Variants in PRMT6 observed in about 807,000 individuals in gnomAD.
The protein encoded by PRMT6 is protein arginine N-methyltransferase 6.
Under a neutral mutation model 30.5 loss-of-function variants are expected in PRMT6, and 23 were observed. That is an observed-to-expected ratio of 0.75 (90% confidence interval 0.54 to 1.07). The LOEUF (loss-of-function observed/expected upper bound fraction) is 1.07. PRMT6 is among the 50% of genes least tolerant of loss of function. The probability of loss-of-function intolerance (pLI) is 0.00; values close to 1 mark genes in which losing one functional copy is unlikely to be tolerated. For missense variants in PRMT6, 528 were observed against 514.3 expected (o/e 1.03, Z -0.26); for synonymous variants, 265 against 228.0 (o/e 1.16, Z -1.46).
At position 107,056,801 on chromosome 1, in the gene PRMT6, G is replaced by C; in HGVS notation, c.86G>C (p.Arg29Pro). 1 of 1,581,142 alleles carries C rather than the reference G, an allele frequency of 6.3e-7. No individual in the cohort carries two copies. Among genetic ancestry groups the C allele is most frequent in the Non-Finnish European group, 8.6e-7 (1 of 1,163,474 alleles). The change falls in exon 1 of 1, where the codon CGG (arginine) becomes CCG (proline). Residue 29 changes from arginine to proline, a missense_variant. Physicochemically the swap from Arg to Pro is moderately radical, Grantham distance 103. Coordinates refer to ENST00000370078, the MANE Select transcript of PRMT6 (RefSeq NM_018137.3). Reference sequence around the variant, plus strand: ...ACTGAAGAGGAAGATGGCGCGGAGCGGGAGGCGGCCCTGGAGCGACCCCGG... The same window carrying C: ...ACTGAAGAGGAAGATGGCGCGGAGCCGGAGGCGGCCCTGGAGCGACCCCGG... ...EGTEEEDGAEREAALERPRRT... is the reference protein window; with the variant it reads ...EGTEEEDGAEPEAALERPRRT...
At position 107,058,496 on chromosome 1, in the gene PRMT6, C is replaced by T; in HGVS notation, c.*653C>T. On this transcript the variant is annotated 3_prime_UTR_variant, in exon 1 of 1. Coordinates refer to ENST00000370078, the MANE Select transcript of PRMT6 (RefSeq NM_018137.3). ...GCTAAAGTTGATGAACACATTAATC[C>T]GTTAAGTAAAATGGACTTTGTAATT... 5.9e-6 allele frequency: 1 copy of T among 168,314 alleles called. No homozygotes were observed. The highest frequency in any genetic ancestry group is 1.5e-5 in the Non-Finnish European group (1 of 68,924). 10.4% of individuals were successfully genotyped at this position (168,314 alleles called of 1,614,324 possible).
Position 107,058,009 on chromosome 1 carries a change from A to G in PRMT6, c.*166A>G. 1.1e-6 allele frequency: 1 copy of G among 921,820 alleles called. No individual in the cohort carries two copies. Among genetic ancestry groups the G allele is most frequent in the Non-Finnish European group, 1.7e-6 (1 of 603,182 alleles). 57.1% of individuals were successfully genotyped at this position (921,820 alleles called of 1,614,324 possible). A position where few individuals can be genotyped will look rare whatever the true frequency, so the allele number is the denominator to read the frequency against. On this transcript the variant is annotated 3_prime_UTR_variant, in exon 1 of 1. Coordinates refer to ENST00000370078, the MANE Select transcript of PRMT6 (RefSeq NM_018137.3). Reference sequence around the variant, plus strand: ...GAGAGTGACTTCATTCTCCATTTGAAGAGATTCTTCTGGTGATGTTTACTT... The same window carrying G: ...GAGAGTGACTTCATTCTCCATTTGAGGAGATTCTTCTGGTGATGTTTACTT...
rs113062612 is a variant in PRMT6, at chr1:107,058,925, A to G, written c.*1082A>G. ...AGCCAAATGTGAAAGTTGTGAATTT[A>G]GGAAAATCACTTGTAATGAAGTGTG... On this transcript the variant is annotated 3_prime_UTR_variant, in exon 1 of 1. Coordinates refer to ENST00000370078, the MANE Select transcript of PRMT6 (RefSeq NM_018137.3). 12 of 167,224 alleles carry G rather than the reference A, an allele frequency of 7.2e-5. No homozygotes were observed. The highest frequency in any genetic ancestry group is 2.6e-4 in the African/African-American group (11 of 41,586). 10.4% of individuals were successfully genotyped at this position (167,224 alleles called of 1,614,324 possible).
rs1651768156 is a variant in PRMT6, at chr1:107,057,859, C to T, written c.*16C>T. ...GGAGGACTGAGCGTTGCCTTTTCTC[C>T]CAGCTACCTCCCAAAGCAGCCTGAC... On this transcript the variant is annotated 3_prime_UTR_variant, in exon 1 of 1. Coordinates refer to ENST00000370078, the MANE Select transcript of PRMT6 (RefSeq NM_018137.3). 1 of 1,556,052 alleles carries T rather than the reference C, an allele frequency of 6.4e-7. No homozygotes were observed. Among genetic ancestry groups the T allele is most frequent in the African/African-American group, 1.4e-5 (1 of 73,242 alleles).
At position 107,057,932 on chromosome 1, in the gene PRMT6, C is replaced by T; in HGVS notation, c.*89C>T. 1 of 1,517,360 alleles carries T rather than the reference C, an allele frequency of 6.6e-7. No individual in the cohort carries two copies. 94.0% of individuals were successfully genotyped at this position (1,517,360 alleles called of 1,614,324 possible). ...GGTCGGAGGGGAAAGGGAGATCCCA[C>T]GTGCAAGTAGGGGGAATATCTCCCC... On this transcript the variant is annotated 3_prime_UTR_variant, in exon 1 of 1. Coordinates refer to ENST00000370078, the MANE Select transcript of PRMT6 (RefSeq NM_018137.3).
Position 107,057,458 on chromosome 1 carries a change from C to G in PRMT6, c.743C>G (p.Ala248Gly). 1.9e-6 allele frequency: 3 copies of G among 1,612,720 alleles called. No homozygotes were observed. The highest frequency in any genetic ancestry group is 1.7e-6 in the Non-Finnish European group (2 of 1,179,376). The change falls in exon 1 of 1, where the codon GCC becomes GGC. Residue 248 changes from alanine (A) to glycine (G), a missense_variant. Coordinates refer to ENST00000370078, the MANE Select transcript of PRMT6 (RefSeq NM_018137.3). ...VQGLSGEDVLARPQRFAQLEL... is the reference protein window; with the variant it reads ...VQGLSGEDVLGRPQRFAQLEL... Reference sequence around the variant, plus strand: ...GGATTGTCCGGCGAGGACGTGCTGGCCCGGCCGCAGCGCTTTGCTCAGCTA... The same window carrying G: ...GGATTGTCCGGCGAGGACGTGCTGGGCCGGCCGCAGCGCTTTGCTCAGCTA...
Position 107,057,622 on chromosome 1 carries a change from A to G in PRMT6, c.907A>G (p.Lys303Glu), listed in dbSNP as rs773731424. The change falls in exon 1 of 1, where the codon AAA becomes GAA. Residue 303 changes from lysine to glutamate, a missense_variant. By Grantham distance (56) the Lys-to-Glu change is moderately conservative. Coordinates refer to ENST00000370078, the MANE Select transcript of PRMT6 (RefSeq NM_018137.3). The stretch of plus-strand genomic sequence containing the variant: ...GACCTTCCCTGGAGGGGAGTCGGAG[A>G]AACCCCTGGTGCTGTCCACCTCGCC... ...QVTFPGGESE[K>E]PLVLSTSPFH... 6.2e-7 allele frequency: 1 copy of G among 1,614,196 alleles called. No homozygotes were observed. The highest frequency in any genetic ancestry group is 2.2e-5 in the East Asian group (1 of 44,864).
In PRMT6 at chr1:107,057,554, A is replaced by AT; in HGVS notation, c.840dup (p.Gly281TrpfsTer139). ...GGCGGGCGCTTCCGCTGCAGCTGCT[A>AT]TGGCTCGGCGCCCATGCATGGCTTT... is the stretch of plus-strand genomic sequence containing the variant. On this transcript the variant is annotated frameshift_variant, in exon 1 of 1. Coordinates refer to ENST00000370078, the MANE Select transcript of PRMT6 (RefSeq NM_018137.3). LOFTEE classifies it high-confidence loss of function. 6.2e-7 allele frequency: 1 copy of AT among 1,613,656 alleles called. No individual in the cohort carries two copies. The highest frequency in any genetic ancestry group is 2.2e-5 in the East Asian group (1 of 44,860).
chr1:107,057,469 C>A lies in PRMT6; in HGVS notation c.754C>A (p.Arg252Ser), dbSNP rs1280404023. 3 of 1,612,468 alleles carry A rather than the reference C, an allele frequency of 1.9e-6. No individual in the cohort carries two copies. Among genetic ancestry groups the A allele is most frequent in the Non-Finnish European group, 2.5e-6 (3 of 1,179,184 alleles). Residue 252 changes from arginine (R) to serine (S), a missense_variant, in exon 1 of 1, where the codon CGC (arginine) becomes AGC (serine). By Grantham distance (110) the Arg-to-Ser change is moderately radical. Transcript: ENST00000370078. ...CGAGGACGTGCTGGCCCGGCCGCAG[C>A]GCTTTGCTCAGCTAGAGCTCTCCCG... The part of the protein sequence containing the change: ...SGEDVLARPQ[R>S]FAQLELSRAG...
chr1:107,056,889 G>T lies in PRMT6; in HGVS notation c.174G>T (p.Glu58Asp). 6.2e-7 allele frequency: 1 copy of T among 1,613,570 alleles called. No individual in the cohort carries two copies. Among genetic ancestry groups the T allele is most frequent in the South Asian group, 1.1e-5 (1 of 91,026 alleles). ...YECYSDVSVH[E>D]EMIADRVRTD... ...GCTACTCGGACGTTTCGGTCCACGAGGAGATGATCGCGGACCGCGTCCGCA... is the reference window on the plus strand; with the variant it reads ...GCTACTCGGACGTTTCGGTCCACGATGAGATGATCGCGGACCGCGTCCGCA... Residue 58 changes from glutamate (E) to aspartate (D), a missense_variant, in exon 1 of 1, where the codon GAG becomes GAT. By Grantham distance (45) the Glu-to-Asp change is conservative. Coordinates refer to ENST00000370078, the MANE Select transcript of PRMT6 (RefSeq NM_018137.3).
chr1:107,057,050 A>G lies in PRMT6; in HGVS notation c.335A>G (p.Glu112Gly), dbSNP rs1183013995. The G allele has an allele frequency of 4.3e-6, 7 of 1,612,206 alleles. No homozygotes were observed. Among genetic ancestry groups the G allele is most frequent in the Non-Finnish European group, 5.9e-6 (7 of 1,179,616 alleles). ...GGGGCCCGGCGCGTGTACGCGGTAG[A>G]GGCCAGCGCCATCTGGCAACAGGCC... ...QAGARRVYAV[E>G]ASAIWQQARE... is the part of the protein sequence containing the mutation. The change falls in exon 1 of 1, where the codon GAG (glutamate) becomes GGG (glycine). Residue 112 changes from glutamate to glycine, a missense_variant. Coordinates refer to ENST00000370078, the MANE Select transcript of PRMT6 (RefSeq NM_018137.3).
Position 107,057,414 on chromosome 1 carries a change from C to G in PRMT6, c.699C>G (p.His233Gln). The change falls in exon 1 of 1, where the codon CAC becomes CAG. Residue 233 changes from histidine to glutamine, a missense_variant. Coordinates refer to ENST00000370078, the MANE Select transcript of PRMT6 (RefSeq NM_018137.3). ...TCGCCACGCGCTGTCTCATGGGCCA[C>G]TCGGAGATCGTTGTGCAGGGATTGT... ...EGFATRCLMG[H>Q]SEIVVQGLSG... 1 of 1,613,718 alleles carries G rather than the reference C, an allele frequency of 6.2e-7. No homozygotes were observed. Among genetic ancestry groups the G allele is most frequent in the Non-Finnish European group, 8.5e-7 (1 of 1,180,032 alleles).
In PRMT6 at chr1:107,058,393, G is replaced by A. The variant is rs1651780818; in HGVS notation, c.*550G>A. On this transcript the variant is annotated 3_prime_UTR_variant, in exon 1 of 1. Coordinates refer to ENST00000370078, the MANE Select transcript of PRMT6 (RefSeq NM_018137.3). ...TGTTTTCTAGGTAAACTTCACTACT[G>A]GTAATTAAGGGGAAGGATATGAGGA... is the stretch of plus-strand genomic sequence containing the variant. The A allele has an allele frequency of 5.3e-6, 1 of 188,216 alleles. No homozygotes were observed. Among genetic ancestry groups the A allele is most frequent in the Admixed American group, 5.4e-5 (1 of 18,534 alleles). 11.7% of individuals were successfully genotyped at this position (188,216 alleles called of 1,614,324 possible). A position where few individuals can be genotyped will look rare whatever the true frequency, so the allele number is the denominator to read the frequency against.
Position 107,058,033 on chromosome 1 carries a change from T to G in PRMT6, c.*190T>G. ...AAGAGATTCTTCTGGTGATGTTTAC[T>G]TAAAAAGTGATCCCCCTCAACAACG... On this transcript the variant is annotated 3_prime_UTR_variant, in exon 1 of 1. Transcript: ENST00000370078. 1 of 805,992 alleles carries G rather than the reference T, an allele frequency of 1.2e-6. No homozygotes were observed. 49.9% of individuals were successfully genotyped at this position (805,992 alleles called of 1,614,324 possible).
rs886370743 is a variant in PRMT6 at position 107,056,979 on chromosome 1, C to T, written c.264C>T (p.Asp88=). ...WAALRGKTVL[D]VGAGTGILSI... is the part of the protein sequence containing the mutation. ...CACTGCGAGGCAAGACGGTACTGGA[C>T]GTGGGCGCGGGCACCGGCATTCTGA... Residue 88 remains aspartate (D), a synonymous_variant, in exon 1 of 1, where the codon GAC becomes GAT. Coordinates refer to ENST00000370078, the MANE Select transcript of PRMT6 (RefSeq NM_018137.3). The T allele has an allele frequency of 6.2e-7, 1 of 1,613,460 alleles. No individual in the cohort carries two copies. The highest frequency in any genetic ancestry group is 1.1e-5 in the South Asian group (1 of 90,964).
chr1:107,056,982 G>C lies in PRMT6; in HGVS notation c.267G>C (p.Val89=), dbSNP rs775716054. ...AALRGKTVLD[V]GAGTGILSIF... is the part of the protein sequence containing the mutation. ...TGCGAGGCAAGACGGTACTGGACGT[G>C]GGCGCGGGCACCGGCATTCTGAGCA... Residue 89 remains valine (V), a synonymous_variant, in exon 1 of 1, where the codon GTG becomes GTC. Coordinates refer to ENST00000370078, the MANE Select transcript of PRMT6 (RefSeq NM_018137.3). The C allele has an allele frequency of 6.2e-7, 1 of 1,613,540 alleles. No homozygotes were observed. Among genetic ancestry groups the C allele is most frequent in the Non-Finnish European group, 8.5e-7 (1 of 1,179,852 alleles).
chr1:107,057,242 A>G lies in PRMT6; in HGVS notation c.527A>G (p.Lys176Arg), dbSNP rs1186368239. 2.5e-6 allele frequency: 4 copies of G among 1,614,036 alleles called. No individual in the cohort carries two copies. In the South Asian group the frequency reaches 3.3e-5, roughly 13 times the overall value. ...MLSSVLHART[K>R]WLKEGGLLLP... ...AGCTCCGTCCTCCACGCGCGAACCA[A>G]GTGGCTGAAGGAGGGCGGTCTTCTC... The change falls in exon 1 of 1, where the codon AAG (lysine) becomes AGG (arginine). Residue 176 changes from lysine to arginine, a missense_variant. Lys to Arg is a conservative substitution (Grantham distance 26). Coordinates refer to ENST00000370078, the MANE Select transcript of PRMT6 (RefSeq NM_018137.3).
In PRMT6 at chr1:107,057,628, CTG is replaced by C; in HGVS notation, c.914_915del (p.Leu305ArgfsTer114). 6.2e-7 allele frequency: 1 copy of C among 1,614,226 alleles called. No homozygotes were observed. Among genetic ancestry groups the C allele is most frequent in the Non-Finnish European group, 8.5e-7 (1 of 1,180,050 alleles). On this transcript the variant is annotated frameshift_variant, in exon 1 of 1. Coordinates refer to ENST00000370078, the MANE Select transcript of PRMT6 (RefSeq NM_018137.3). LOFTEE classifies it high-confidence loss of function. ...TFPGGESEKP[L>X]VLSTSPFHPA... ...CCCTGGAGGGGAGTCGGAGAAACCC[CTG>C]GTGCTGTCCACCTCGCCTTTTCACC... is the stretch of plus-strand genomic sequence containing the variant.
rs1344099396 is a variant in PRMT6 at position 107,057,849 on chromosome 1, G to A, written c.*6G>A. On this transcript the variant is annotated 3_prime_UTR_variant, in exon 1 of 1. Coordinates refer to ENST00000370078, the MANE Select transcript of PRMT6 (RefSeq NM_018137.3). ...ACTTTGCCATGGAGGACTGAGCGTTGCCTTTTCTCCCAGCTACCTCCCAAA... is the reference window on the plus strand; with the variant it reads ...ACTTTGCCATGGAGGACTGAGCGTTACCTTTTCTCCCAGCTACCTCCCAAA... The A allele has an allele frequency of 1.3e-6, 2 of 1,561,922 alleles. No individual in the cohort carries two copies. The highest frequency in any genetic ancestry group is 1.7e-6 in the Non-Finnish European group (2 of 1,152,500).
Sources: gnomAD v4.1 joint callset for allele counts on GRCh38, gnomAD v4.1.1 for gene constraint, MANE v1.5 for transcripts, NCBI Gene and HGNC (gene_info 2026-07-23, HGNC 2026-07-21) for gene names.